DPYD: variants seen among roughly 807,000 people sequenced by gnomAD.
DPYD encodes dihydropyrimidine dehydrogenase [NADP(+)].
Under a neutral mutation model 116.2 loss-of-function variants are expected in DPYD, and 109 were observed. The observed-to-expected ratio is 0.94, with a 90% CI of 0.80 to 1.10. The LOEUF (loss-of-function observed/expected upper bound fraction) is 1.10. DPYD is among the 50% of genes least tolerant of loss of function. The pLI, the probability that DPYD is intolerant of heterozygous loss-of-function variation, is 0.00. For missense variants in DPYD, 1,302 were observed against 1,254.5 expected (o/e 1.04, Z -0.57); for synonymous variants, 440 against 432.0 (o/e 1.02, Z -0.23).
chr1:97,546,087 G>C, intron 12 of DPYD: 2 of 1,415,322 alleles, frequency 1.4e-6, no homozygotes, highest in Non-Finnish European at 2.0e-6. Flanking sequence ...CTTAGTTACA[G>C]TGCTGGTTAA....
intron 7 of DPYD, among the ~76,000 whole-genome samples, chr1:97,687,262 C>A (rs1336432388): frequency 1.3e-5 from 2 of 152,062 alleles, no homozygotes; most frequent in Admixed American, 6.6e-5. Context: ...CAGAGCTAGA[C>A]TCCATCCTCC....
intron 11 of DPYD, among the ~76,000 whole-genome samples, chr1:97,568,448 C>T (rs1266102692): frequency 6.6e-6 from 1 of 151,978 alleles, no homozygotes; most frequent in South Asian, 2.1e-4. Context: ...CTATAGTCAT[C>T]CCCCTTACAG....
chr1:97,146,421 A>G (rs1206170441), intron 20 of DPYD, among the ~76,000 whole-genome samples: 1 of 152,196 alleles, frequency 6.6e-6, no homozygotes, highest in African/African-American at 2.4e-5. Context: ...CCCAACCATA[A>G]GCTCTTGAAT....
chr1:97,291,856 C>A (rs1009571585), intron 18 of DPYD, among the ~76,000 whole-genome samples: 9 of 151,500 alleles, frequency 5.9e-5, no homozygotes, highest in Admixed American at 2.6e-4. Flanking sequence ...ATAAAATAAA[C>A]CCTAAAAAAA....
At chr1:97,101,832 G>A (rs1218708208) in intron 20 of DPYD, among the ~76,000 whole-genome samples, 1 of 151,982 alleles carries the variant, frequency 6.6e-6, no homozygotes, top group Non-Finnish European at 1.5e-5. Flanking sequence ...CTTTGTAACT[G>A]ATGAACTGAA....
intron 8 of DPYD, among the ~76,000 whole-genome samples, chr1:97,652,667 G>C (rs565449485): frequency 1.3e-5 from 2 of 152,286 alleles, no homozygotes; most frequent in African/African-American, 4.8e-5. Flanking sequence ...GGGCGGAAGG[G>C]TGAGGGACAT....
At chr1:97,231,265 G>A (rs1661572182) in intron 19 of DPYD, among the ~76,000 whole-genome samples, 1 of 152,186 alleles carries the variant, frequency 6.6e-6, no homozygotes, top group African/African-American at 2.4e-5. Context: ...TGGAAGACAG[G>A]CAATATGCCC....
rs184547663 is a variant in DPYD, at chr1:97,530,668, A to C, written c.1525-14727T>G. On this transcript the variant is annotated intron_variant, in intron 12 of 22. Coordinates refer to ENST00000370192, the MANE Select transcript of DPYD (RefSeq NM_000110.4). The stretch of plus-strand genomic sequence containing the variant: ...AGAAGTGGGACTGTTGGATCATATG[A>C]TAGTTCTATTTTAAATTTTTTGAGA... 5.1e-4 allele frequency among the ~76,000 whole-genome samples: 78 copies of C among 152,288 alleles called. 1 individual carries two copies. Among genetic ancestry groups the C allele is most frequent in the African/African-American group, 1.9e-3 (77 of 41,556 alleles).
intron 3 of DPYD, among the ~76,000 whole-genome samples, chr1:97,785,910 GTCTCGA>G (rs1666992225): frequency 6.6e-6 from 1 of 150,624 alleles, no homozygotes; most frequent in Admixed American, 6.6e-5. Context: ...AGCCAGGACG[GTCTCGA>G]TCTCCTGACC....
chr1:97,425,392 A>G (rs563950922), intron 14 of DPYD, among the ~76,000 whole-genome samples: 53 of 152,220 alleles, frequency 3.5e-4, no homozygotes, highest in African/African-American at 1.2e-3. Context: ...AAACCATCAA[A>G]GTAGACCAAA....
chr1:97,477,851 A>C (rs1372726641), intron 13 of DPYD, among the ~76,000 whole-genome samples: 4 of 151,826 alleles, frequency 2.6e-5, no homozygotes, highest in Admixed American at 2.6e-4. Flanking sequence ...CGATCTCCTG[A>C]CCTCGTGATC....
Position 97,098,482 on chromosome 1 carries a change from T to A in DPYD, c.2766+7A>T, listed in dbSNP as rs1557861442. 3.1e-6 allele frequency: 5 copies of A among 1,612,308 alleles called. No homozygotes were observed. Among genetic ancestry groups the A allele is most frequent in the Non-Finnish European group, 4.2e-6 (5 of 1,178,936 alleles). On this transcript the variant is annotated splice_region_variant and intron_variant, in intron 21 of 22. Transcript: ENST00000370192. ...AGGCATACTTATATAGTTGGCATAA[T>A]TTTTACCTTGATGGTAGGAATAGGC...
At chr1:97,838,706 G>C (rs558523472) in intron 2 of DPYD, among the ~76,000 whole-genome samples, 1 of 152,078 alleles carries the variant, frequency 6.6e-6, no homozygotes, top group Non-Finnish European at 1.5e-5. Flanking sequence ...TTAGCCGGGC[G>C]CGGTGGCGGG....
intron 20 of DPYD, among the ~76,000 whole-genome samples, chr1:97,133,361 T>C (rs968091473): frequency 1.3e-5 from 2 of 152,112 alleles, no homozygotes; most frequent in African/African-American, 4.8e-5. Flanking sequence ...TTTATTCTAC[T>C]TTTTTTATTT....
intron 15 of DPYD, among the ~76,000 whole-genome samples, chr1:97,380,119 T>C (rs557118137): frequency 6.6e-6 from 1 of 152,212 alleles, no homozygotes. Flanking sequence ...AGAAATTGAT[T>C]CAAGATCGAC....
intron 3 of DPYD, among the ~76,000 whole-genome samples, chr1:97,766,927 A>G (rs1010506587): frequency 2.6e-5 from 4 of 152,194 alleles, no homozygotes; most frequent in African/African-American, 7.2e-5. Context: ...GTGATAGACT[A>G]CGAAGGTCAT....
chr1:97,659,637 A>G (rs1312627047), intron 8 of DPYD, among the ~76,000 whole-genome samples: 1 of 152,170 alleles, frequency 6.6e-6, no homozygotes. Flanking sequence ...AAAATGAATT[A>G]CTTCATTCCT....
intron 18 of DPYD, among the ~76,000 whole-genome samples, chr1:97,286,325 C>T (rs1665678528): frequency 2.0e-5 from 3 of 152,278 alleles, no homozygotes; most frequent in South Asian, 2.1e-4. Context: ...GTGGGTATCC[C>T]GACCTTTCTC....
intron 10 of DPYD, among the ~76,000 whole-genome samples, chr1:97,579,768 CCT>C (rs999417979): frequency 3.3e-5 from 5 of 152,310 alleles, no homozygotes; most frequent in African/African-American, 9.6e-5. Context: ...AACATGCCAA[CCT>C]CTCTTTTCCT....
Sources: allele counts gnomAD v4.1 joint callset (sites outside exome capture counted in the v4.1 genomes callset), GRCh38; gene constraint gnomAD v4.1.1; transcripts MANE v1.5; gene names NCBI Gene and HGNC (gene_info 2026-07-23, HGNC 2026-07-21).